Variants in PTPRK observed in about 807,000 individuals in gnomAD.
The protein encoded by PTPRK is protein tyrosine phosphatase receptor type K.
Under a neutral mutation model 178.0 loss-of-function variants are expected in PTPRK, and 75 were observed. The ratio of observed to expected loss-of-function variants is 0.42; its 90% CI spans 0.35 to 0.51. The LOEUF (loss-of-function observed/expected upper bound fraction) is 0.51. Ranked by LOEUF, PTPRK falls within the 20% of genes least tolerant of loss-of-function variation. The pLI is 0.02. For missense variants in PTPRK, 1,441 were observed against 1,797.8 expected (o/e 0.80, Z 3.59); for synonymous variants, 637 against 620.6 (o/e 1.03, Z -0.39).
At chr6:128,030,631 G>A (rs1286068199) in intron 13 of PTPRK, among the ~76,000 whole-genome samples, 1 of 152,140 alleles carries the variant, frequency 6.6e-6, no homozygotes, top group Non-Finnish European at 1.5e-5. Flanking sequence ...GACTCTGACT[G>A]AAAATGGAGG....
At chr6:128,176,883 C>G (rs1801155019) in intron 7 of PTPRK, among the ~76,000 whole-genome samples, 1 of 151,396 alleles carries the variant, frequency 6.6e-6, no homozygotes, top group Admixed American at 6.6e-5. Flanking sequence ...ACAGAATGAC[C>G]AACACTCCCC....
At chr6:128,167,524 G>C (rs946345562) in intron 7 of PTPRK, among the ~76,000 whole-genome samples, 2 of 151,644 alleles carry the variant, frequency 1.3e-5, no homozygotes, top group African/African-American at 4.8e-5. Flanking sequence ...TCCATTAACA[G>C]GGTTAAATTA....
chr6:128,384,279 A>G (rs1002794188), intron 2 of PTPRK, among the ~76,000 whole-genome samples: 3 of 152,228 alleles, frequency 2.0e-5, no homozygotes, highest in Non-Finnish European at 4.4e-5. Flanking sequence ...ATTTTTATCA[A>G]TAGAAAACTT....
At chr6:128,088,696 T>C (rs1786386992) in intron 8 of PTPRK, among the ~76,000 whole-genome samples, 1 of 152,228 alleles carries the variant, frequency 6.6e-6, no homozygotes, top group African/African-American at 2.4e-5. Context: ...AATTATAATA[T>C]ACTGTAGTGC....
At chr6:128,042,819 T>G (rs1231841573) in intron 13 of PTPRK, among the ~76,000 whole-genome samples, 1 of 152,044 alleles carries the variant, frequency 6.6e-6, no homozygotes, top group Non-Finnish European at 1.5e-5. Flanking sequence ...TAAAATATTA[T>G]TCTCTAGAAA....
intron 6 of PTPRK, among the ~76,000 whole-genome samples, chr6:128,212,930 A>ATT (rs1808481562): frequency 6.6e-6 from 1 of 152,082 alleles, no homozygotes; most frequent in Non-Finnish European, 1.5e-5. Context: ...AAAAGGAGAA[A>ATT]ATTAATAGAA....
At chr6:128,288,543 C>T (rs1822876161) in intron 3 of PTPRK, among the ~76,000 whole-genome samples, 1 of 152,004 alleles carries the variant, frequency 6.6e-6, no homozygotes, top group Admixed American at 6.6e-5. Context: ...ATACATGAAA[C>T]AGAGGATAAA....
intron 2 of PTPRK, 75 bp from the exon 3 acceptor site, chr6:128,322,385 A>C (rs189380079): frequency 7.3e-7 from 1 of 1,361,098 alleles, no homozygotes; most frequent in East Asian, 2.3e-5. Flanking sequence ...AAAATATGCT[A>C]ATCCATTCTG....
At chr6:128,334,557 G>T (rs1030663917) in intron 2 of PTPRK, among the ~76,000 whole-genome samples, 41 of 152,086 alleles carry the variant, frequency 2.7e-4, no homozygotes, top group African/African-American at 8.7e-4. Flanking sequence ...TAAGTAAATG[G>T]CAAGTAATGA....
intron 7 of PTPRK, among the ~76,000 whole-genome samples, chr6:128,141,869 A>G (rs933678591): frequency 4.6e-5 from 7 of 151,718 alleles, no homozygotes; most frequent in African/African-American, 1.7e-4. Flanking sequence ...TATTTAAATT[A>G]TTTTCTGGTT....
intron 12 of PTPRK, among the ~76,000 whole-genome samples, chr6:128,066,732 AAAT>A (rs1781829876): frequency 6.6e-6 from 1 of 151,220 alleles, no homozygotes; most frequent in African/African-American, 2.5e-5. Context: ...ATAAATAAAT[AAAT>A]AAAAATAAGT....
At position 128,067,767 on chromosome 6, in the gene PTPRK, G is replaced by C; in HGVS notation, c.1909C>G (p.Leu637Val). The part of the protein sequence containing the change: ...ISAYQIVVEE[L>V]HPHRTKREAG... ...TCTCTCTTGGTTCGGTGTGGGTGCA[G>C]TTCTTCCACAACAATCTGATAAGCA... is the stretch of plus-strand genomic sequence containing the variant. Residue 637 changes from leucine to valine, a missense_variant, in exon 12 of 30, where the codon CTG (leucine) becomes GTG (valine). Leu to Val is a conservative substitution (Grantham distance 32, BLOSUM62 1). Transcript: ENST00000368226. The C allele has an allele frequency of 6.2e-7, 1 of 1,607,222 alleles. No homozygotes were observed. The highest frequency in any genetic ancestry group is 8.5e-7 in the Non-Finnish European group (1 of 1,176,230).
At chr6:128,296,505 A>G (rs931887709) in intron 3 of PTPRK, among the ~76,000 whole-genome samples, 1 of 152,256 alleles carries the variant, frequency 6.6e-6, no homozygotes, top group Non-Finnish European at 1.5e-5. Flanking sequence ...AGGGAAGCCC[A>G]TCAGACTAAC....
chr6:128,496,929 AC>A (rs1488047145), intron 1 of PTPRK, among the ~76,000 whole-genome samples: 1 of 152,238 alleles, frequency 6.6e-6, no homozygotes, highest in Non-Finnish European at 1.5e-5. Context: ...ATTACAATAA[AC>A]CAAAGAAGGC....
intron 3 of PTPRK, among the ~76,000 whole-genome samples, chr6:128,319,582 C>T (rs1185282273): frequency 6.6e-6 from 1 of 152,090 alleles, no homozygotes; most frequent in Non-Finnish European, 1.5e-5. Context: ...CAAGACTGGC[C>T]TCCAATATCT....
chr6:128,011,091 C>G (rs970000609), intron 13 of PTPRK, among the ~76,000 whole-genome samples: 1 of 151,064 alleles, frequency 6.6e-6, no homozygotes, highest in Non-Finnish European at 1.5e-5. Context: ...GAATATATTA[C>G]AAAGTTGAAT....
chr6:128,273,538 C>T (rs73596648), intron 3 of PTPRK, among the ~76,000 whole-genome samples: 5,814 of 152,156 alleles, frequency 0.038, 367 homozygotes, highest in African/African-American at 0.13. Context: ...CTACTGAGAT[C>T]CACTGTCCCC....
chr6:128,161,037 G>T (rs950208561), intron 7 of PTPRK, among the ~76,000 whole-genome samples: 1 of 151,544 alleles, frequency 6.6e-6, no homozygotes, highest in African/African-American at 2.4e-5. Context: ...AGATGGTCTT[G>T]TATTCTCTTC....
At chr6:128,118,596 C>T (rs1791950631) in intron 7 of PTPRK, among the ~76,000 whole-genome samples, 2 of 152,040 alleles carry the variant, frequency 1.3e-5, no homozygotes, top group African/African-American at 4.8e-5. Flanking sequence ...TTTCTTTTAG[C>T]TATGTTCTTA....
Sources: allele counts gnomAD v4.1 joint callset (sites outside exome capture counted in the v4.1 genomes callset), GRCh38; gene constraint gnomAD v4.1.1; transcripts MANE v1.5; gene names NCBI Gene and HGNC (gene_info 2026-07-23, HGNC 2026-07-21).